Variants in NRG3 observed in about 807,000 individuals in gnomAD.
The protein encoded by NRG3 is neuregulin 3, also known as pro-neuregulin-3, membrane-bound isoform.
A neutral mutation model predicts 66.9 loss-of-function variants in NRG3; 31 were observed. That is an observed-to-expected ratio of 0.46 (90% CI 0.35 to 0.63). The LOEUF is 0.63. Ranked by LOEUF, NRG3 falls within the 20% of genes least tolerant of loss-of-function variation. NRG3 has a pLI of 0.00. For missense variants in NRG3, 910 were observed against 878.9 expected (o/e 1.04, Z -0.45); for synonymous variants, 393 against 359.4 (o/e 1.09, Z -1.06).
intron 2 of NRG3, among the ~76,000 whole-genome samples, chr10:82,705,209 G>A (rs1433508988): frequency 6.6e-6 from 1 of 152,150 alleles, no homozygotes; most frequent in Non-Finnish European, 1.5e-5. Flanking sequence ...AAGCCCTCTG[G>A]ACTGGTGCTT....
intron 2 of NRG3, among the ~76,000 whole-genome samples, chr10:82,650,552 T>A (rs2051331740): frequency 6.6e-6 from 1 of 152,200 alleles, no homozygotes; most frequent in East Asian, 1.9e-4. Flanking sequence ...GGTGAGTGAT[T>A]TTTGTTGTTG....
chr10:82,147,674 C>T (rs995783934), intron 1 of NRG3, among the ~76,000 whole-genome samples: 1 of 152,184 alleles, frequency 6.6e-6, no homozygotes, highest in African/African-American at 2.4e-5. Flanking sequence ...CGCCCCAGAC[C>T]TTTTGAGTAG....
chr10:82,687,885 C>T (rs1259521664), intron 2 of NRG3, among the ~76,000 whole-genome samples: 1 of 152,136 alleles, frequency 6.6e-6, no homozygotes, highest in East Asian at 1.9e-4. Flanking sequence ...GACTCCAGTG[C>T]CTTCAGCTAA....
intron 3 of NRG3, among the ~76,000 whole-genome samples, chr10:82,836,796 A>G (rs1250939125): frequency 2.6e-5 from 4 of 151,784 alleles, no homozygotes; most frequent in Non-Finnish European, 4.4e-5. Context: ...GGTTAGTTAC[A>G]TATGTATACA....
chr10:82,779,461 C>G (rs1018833922), intron 3 of NRG3, among the ~76,000 whole-genome samples: 2 of 152,088 alleles, frequency 1.3e-5, no homozygotes, highest in African/African-American at 4.8e-5. Context: ...GTTGCTCTGA[C>G]CAAAATATAG....
intron 2 of NRG3, among the ~76,000 whole-genome samples, chr10:82,425,881 T>C (rs1318678317): frequency 1.3e-5 from 2 of 152,318 alleles, no homozygotes; most frequent in Non-Finnish European, 2.9e-5. Flanking sequence ...CCTGTTATTA[T>C]AGAAGAGTCC....
At chr10:82,932,812 C>A (rs1450565543) in intron 4 of NRG3, among the ~76,000 whole-genome samples, 1 of 152,168 alleles carries the variant, frequency 6.6e-6, no homozygotes, top group East Asian at 1.9e-4. Flanking sequence ...ACCTTGTGGT[C>A]ATCAGCAAAT....
At chr10:82,456,166 G>A (rs1170450539) in intron 2 of NRG3, among the ~76,000 whole-genome samples, 1 of 128,498 alleles carries the variant, frequency 7.8e-6, no homozygotes, top group Non-Finnish European at 1.6e-5. Flanking sequence ...TTGGTAGAGA[G>A]AGGGCTTCAC....
intron 2 of NRG3, among the ~76,000 whole-genome samples, chr10:82,537,410 T>C (rs2043235991): frequency 1.3e-5 from 2 of 152,250 alleles, no homozygotes; most frequent in South Asian, 4.1e-4. Context: ...ATGGTGACTT[T>C]CGCACCTTTG....
At chr10:82,811,597 G>A (rs1167193028) in intron 3 of NRG3, among the ~76,000 whole-genome samples, 1 of 152,140 alleles carries the variant, frequency 6.6e-6, no homozygotes, top group East Asian at 1.9e-4. Context: ...CACCAATTTG[G>A]GCTGCACATG....
intron 2 of NRG3, among the ~76,000 whole-genome samples, chr10:82,643,240 C>T (rs1398918634): frequency 6.6e-6 from 1 of 151,918 alleles, no homozygotes; most frequent in Admixed American, 6.6e-5. Flanking sequence ...ATGGTCAGGG[C>T]CAGGGGGGTG....
chr10:82,190,757 A>T (rs2074095741), intron 1 of NRG3, among the ~76,000 whole-genome samples: 1 of 152,210 alleles, frequency 6.6e-6, no homozygotes, highest in South Asian at 2.1e-4. Context: ...GCCAAGGCAG[A>T]GTAGCTCCAG....
chr10:81,970,185 G>A (rs1438018958), intron 1 of NRG3, among the ~76,000 whole-genome samples: 1 of 152,158 alleles, frequency 6.6e-6, no homozygotes, highest in Admixed American at 6.5e-5. Context: ...CAGGAACAGA[G>A]GAAAAGTAAA....
intron 1 of NRG3, among the ~76,000 whole-genome samples, chr10:81,952,279 C>A (rs144383341): frequency 6.6e-6 from 1 of 152,000 alleles, no homozygotes; most frequent in East Asian, 1.9e-4. Flanking sequence ...TGCCTTAGTC[C>A]GGTCCACTAA....
chr10:82,281,933 T>G (rs1414665834), intron 1 of NRG3, among the ~76,000 whole-genome samples: 1 of 152,216 alleles, frequency 6.6e-6, no homozygotes, highest in Admixed American at 6.5e-5. Flanking sequence ...GTTGGATTTC[T>G]TCTGTATTTT....
At chr10:82,460,826 C>A (rs891120735) in intron 2 of NRG3, among the ~76,000 whole-genome samples, 6 of 152,174 alleles carry the variant, frequency 3.9e-5, no homozygotes, top group African/African-American at 1.4e-4. Flanking sequence ...CAAGAAGAGC[C>A]CTCTATCCTC....
At chr10:82,297,785 G>C (rs952873941) in intron 1 of NRG3, among the ~76,000 whole-genome samples, 6 of 151,932 alleles carry the variant, frequency 3.9e-5, no homozygotes, top group African/African-American at 1.5e-4. Context: ...CTTTTTTATT[G>C]TATACATTGT....
At chr10:82,202,272 T>C (rs2074872588) in intron 1 of NRG3, among the ~76,000 whole-genome samples, 2 of 152,184 alleles carry the variant, frequency 1.3e-5, no homozygotes, top group South Asian at 4.1e-4. Flanking sequence ...GAGGAAGAGA[T>C]AGCATTTTAT....
At chr10:82,730,088 CTT>C (rs531254299) in intron 2 of NRG3, among the ~76,000 whole-genome samples, 57 of 132,782 alleles carry the variant, frequency 4.3e-4, no homozygotes, top group African/African-American at 1.3e-3. Context: ...TTTTTTTTTC[CTT>C]TTTTTTTTTT....
Sources: allele counts gnomAD v4.1 joint callset (sites outside exome capture counted in the v4.1 genomes callset), GRCh38; gene constraint gnomAD v4.1.1; transcripts MANE v1.5; gene names NCBI Gene and HGNC (gene_info 2026-07-23, HGNC 2026-07-21).